Variants in SIRPD observed in about 807,000 individuals in gnomAD.
The protein encoded by SIRPD is signal regulatory protein delta, also known as signal-regulatory protein delta.
Under a neutral mutation model 18.0 loss-of-function variants are expected in SIRPD, and 21 were observed. The ratio of observed to expected loss-of-function variants is 1.17; its 90% CI spans 0.83 to 1.68. SIRPD has a LOEUF of 1.68. Among genes scored for constraint, SIRPD ranks in the 40% most tolerant of loss-of-function variants. The pLI is 0.00. For synonymous variants in SIRPD, 106 were observed against 92.9 expected (o/e 1.14, Z -0.81); for missense variants, 295 against 238.4 (o/e 1.24, Z -1.56).
intron 1 of SIRPD, among the ~76,000 whole-genome samples, chr20:1,553,185 A>G (rs2091026819): frequency 6.6e-6 from 1 of 152,196 alleles, no homozygotes; most frequent in Admixed American, 6.5e-5. Flanking sequence ...ATTGATACAC[A>G]AGACCCCTCA....
intron 3 of SIRPD, 128 bp from the exon 4 acceptor site, chr20:1,534,569 T>A: frequency 1.0e-6 from 1 of 958,362 alleles, no homozygotes; most frequent in East Asian, 2.6e-5. Context: ...GTTGCTAAGG[T>A]TGTGGTGAGG....
chr20:1,543,557 T>C (rs1215071549), intron 2 of SIRPD, among the ~76,000 whole-genome samples: 1 of 152,120 alleles, frequency 6.6e-6, no homozygotes, highest in Non-Finnish European at 1.5e-5. Context: ...TTTGTTAATG[T>C]TTTAAAAAAA....
rs185615025 is a variant in SIRPD, at chr20:1,543,823, C to T, written c.422-6513G>A. On this transcript the variant is annotated intron_variant, in intron 2 of 3. Coordinates refer to ENST00000381623, the MANE Select transcript of SIRPD (RefSeq NM_178460.3). ...AGATTCTGTAAATTGTGTCTTTGTT[C>T]TCATTGGTTTCAAAAACTTATTTAT... Among the ~76,000 whole-genome samples the T allele has an allele frequency of 5.3e-5, 8 of 152,280 alleles. No homozygotes were observed. In the East Asian group the frequency reaches 1.2e-3, roughly 22 times the overall value.
chr20:1,551,670 G>C (rs992859968), intron 2 of SIRPD, 21 bp downstream of exon 2: 1 of 1,570,268 alleles, frequency 6.4e-7, no homozygotes, highest in Non-Finnish European at 8.7e-7. Context: ...AGGGGGTATG[G>C]GGTATAGGAG....
intron 2 of SIRPD, among the ~76,000 whole-genome samples, chr20:1,550,082 C>T (rs73569169): frequency 6.6e-6 from 1 of 152,136 alleles, no homozygotes; most frequent in African/African-American, 2.4e-5. Flanking sequence ...AAGCCATAAA[C>T]CCAAAGGGTT....
At chr20:1,546,484 T>C (rs1172568902) in intron 2 of SIRPD, among the ~76,000 whole-genome samples, 1 of 152,270 alleles carries the variant, frequency 6.6e-6, no homozygotes, top group African/African-American at 2.4e-5. Context: ...TGCTTTTCCA[T>C]TCATCAGTTG....
intron 1 of SIRPD, among the ~76,000 whole-genome samples, chr20:1,555,755 A>C (rs1440638239): frequency 6.6e-6 from 1 of 152,244 alleles, no homozygotes; most frequent in African/African-American, 2.4e-5. Context: ...TCTATCGCTG[A>C]ATAACAAATT....
intron 2 of SIRPD, among the ~76,000 whole-genome samples, chr20:1,548,255 C>G (rs1600069654): frequency 1.3e-5 from 2 of 152,114 alleles, no homozygotes; most frequent in Admixed American, 6.5e-5. Context: ...CATCCATGCT[C>G]TTTATCAGGT....
intron 1 of SIRPD, among the ~76,000 whole-genome samples, chr20:1,557,170 T>C (rs564186842): frequency 6.6e-6 from 1 of 152,224 alleles, no homozygotes; most frequent in South Asian, 2.1e-4. Flanking sequence ...CGAGAATCAC[T>C]TGAGCCCAGG....
chr20:1,555,824 T>C (rs956646930), intron 1 of SIRPD, among the ~76,000 whole-genome samples: 1 of 152,224 alleles, frequency 6.6e-6, no homozygotes, highest in Non-Finnish European at 1.5e-5. Context: ...TTTTGTCCAT[T>C]TGTAATTCAG....
At chr20:1,541,846 T>C (rs1236711060) in intron 2 of SIRPD, among the ~76,000 whole-genome samples, 1 of 152,190 alleles carries the variant, frequency 6.6e-6, no homozygotes, top group East Asian at 1.9e-4. Context: ...CAGTTTTAGT[T>C]TTCTGCATAT....
intron 2 of SIRPD, among the ~76,000 whole-genome samples, chr20:1,546,633 A>T (rs2090994859): frequency 6.6e-6 from 1 of 152,196 alleles, no homozygotes. Flanking sequence ...TCATATAGTA[A>T]CTTATGTTTG....
chr20:1,540,281 G>T (rs1412528444), intron 2 of SIRPD: 1 of 456,030 alleles, frequency 2.2e-6, no homozygotes, highest in African/African-American at 2.0e-5. Flanking sequence ...CTGATGCCTT[G>T]ATTTCAGTCC....
chr20:1,556,623 TG>T (rs2091042508), intron 1 of SIRPD, among the ~76,000 whole-genome samples: 1 of 152,204 alleles, frequency 6.6e-6, no homozygotes, highest in South Asian at 2.1e-4. Flanking sequence ...ATATGGTGGA[TG>T]TTTTTATAGG....
chr20:1,551,179 A>G (rs2123146727), intron 2 of SIRPD, among the ~76,000 whole-genome samples: 1 of 152,354 alleles, frequency 6.6e-6, no homozygotes, highest in South Asian at 2.1e-4. Flanking sequence ...GCAGATTGTC[A>G]ATCCACACTT....
intron 2 of SIRPD, among the ~76,000 whole-genome samples, chr20:1,546,445 A>G (rs1425818352): frequency 2.6e-5 from 4 of 152,208 alleles, no homozygotes; most frequent in Non-Finnish European, 5.9e-5. Flanking sequence ...TAGCCTAATA[A>G]TATTCCACTG....
chr20:1,543,221 T>C (rs1194044572), intron 2 of SIRPD, among the ~76,000 whole-genome samples: 1 of 152,234 alleles, frequency 6.6e-6, no homozygotes, highest in African/African-American at 2.4e-5. Context: ...CAGCTCCTCT[T>C]GTACCTCTGG....
At chr20:1,534,483 C>T (rs2090937193) in intron 3 of SIRPD, 42 bp from the exon 4 acceptor site, 1 of 1,559,386 alleles carries the variant, frequency 6.4e-7, no homozygotes, top group East Asian at 2.3e-5. Context: ...ACATTTCTCC[C>T]TCCTGCAAGC....
rs569347937 is a variant in SIRPD at position 1,540,190 on chromosome 20, C to T, written c.422-2880G>A. 126 of 427,320 alleles carry T rather than the reference C, an allele frequency of 2.9e-4. 1 individual carries two copies. The highest frequency in any genetic ancestry group is 2.0e-3 in the South Asian group (120 of 59,942). 26.5% of individuals were successfully genotyped at this position (427,320 alleles called of 1,614,324 possible). On this transcript the variant is annotated intron_variant, in intron 2 of 3. Coordinates refer to ENST00000381623, the MANE Select transcript of SIRPD (RefSeq NM_178460.3). ...GATTTATTCTATGCTGCTGACAGGC[C>T]AGGGATGCTGGCAGCAAACCAGAAG...
Sources: allele counts gnomAD v4.1 joint callset (sites outside exome capture counted in the v4.1 genomes callset), GRCh38; gene constraint gnomAD v4.1.1; transcripts MANE v1.5; gene names NCBI Gene and HGNC (gene_info 2026-07-23, HGNC 2026-07-21).